RPAP2: variants seen among roughly 807,000 people sequenced by gnomAD.
RPAP2 encodes putative RNA polymerase II subunit B1 CTD phosphatase RPAP2.
Under a neutral mutation model 73.1 loss-of-function variants are expected in RPAP2, and 52 were observed. That is an observed-to-expected ratio of 0.71 (90% CI 0.57 to 0.90). The LOEUF (loss-of-function observed/expected upper bound fraction) is 0.90, where lower values mean the gene tolerates loss of function less well. Among genes scored for constraint, RPAP2 ranks in the 40% least tolerant of loss-of-function variants. RPAP2 has a pLI of 0.00. For synonymous variants in RPAP2, 225 were observed against 242.1 expected (o/e 0.93, Z 0.65); for missense variants, 598 against 701.8 (o/e 0.85, Z 1.67).
At chr1:92,329,871 A>G (rs1327580568) in intron 8 of RPAP2, among the ~76,000 whole-genome samples, 1 of 152,240 alleles carries the variant, frequency 6.6e-6, no homozygotes. Context: ...TGGTCTCATC[A>G]TAAATCACAT....
At chr1:92,364,474 ATC>A (rs1346458576) in intron 11 of RPAP2, among the ~76,000 whole-genome samples, 1 of 152,122 alleles carries the variant, frequency 6.6e-6, no homozygotes, top group African/African-American at 2.4e-5. Flanking sequence ...CAGCTCTGAC[ATC>A]TCTCCTAAAT....
intron 5 of RPAP2, among the ~76,000 whole-genome samples, chr1:92,306,684 AAAAT>A (rs1178250242): frequency 2.0e-5 from 3 of 152,138 alleles, no homozygotes; most frequent in African/African-American, 7.2e-5. Flanking sequence ...TCTCTACAAA[AAAAT>A]AAAATAGCCA....
intron 12 of RPAP2, 51 bp downstream of exon 12, chr1:92,380,924 T>C: frequency 7.0e-7 from 1 of 1,437,726 alleles, no homozygotes; most frequent in Non-Finnish European, 9.2e-7. Context: ...TTGTTGCCTA[T>C]GTGGATTCTT....
Position 92,323,823 on chromosome 1 carries a change from A to G in RPAP2, c.903A>G (p.Ser301=). 1 of 1,614,112 alleles carries G rather than the reference A, an allele frequency of 6.2e-7. No homozygotes were observed. Among genetic ancestry groups the G allele is most frequent in the Non-Finnish European group, 8.5e-7 (1 of 1,179,998 alleles). Residue 301 remains serine (S), a synonymous_variant, in exon 8 of 13, where the codon TCA becomes TCG. Coordinates refer to ENST00000610020, the MANE Select transcript of RPAP2 (RefSeq NM_024813.3). ...AGAAAGTAAATACTCAGAGTTCTTCAAATAGCACTTTGCCTGAAAGATTAA... is the reference window on the plus strand; with the variant it reads ...AGAAAGTAAATACTCAGAGTTCTTCGAATAGCACTTTGCCTGAAAGATTAA... The part of the protein sequence containing the change: ...PLQKVNTQSS[S]NSTLPERLKA...
chr1:92,327,833 T>A (rs891564416), intron 8 of RPAP2, among the ~76,000 whole-genome samples: 2 of 152,214 alleles, frequency 1.3e-5, no homozygotes, highest in Non-Finnish European at 2.9e-5. Flanking sequence ...CTTTAGCAGT[T>A]CTTGTAGTGC....
chr1:92,375,101 A>T (rs1003991595), intron 11 of RPAP2, among the ~76,000 whole-genome samples: 1 of 152,192 alleles, frequency 6.6e-6, no homozygotes, highest in East Asian at 1.9e-4. Flanking sequence ...TTGAATGTAA[A>T]TTACTTTGGA....
At position 92,391,528 on chromosome 1, in the gene RPAP2, A is replaced by C. The variant is rs1656040527; in HGVS notation, c.*4517A>C. 1 of 152,238 alleles carries C rather than the reference A, an allele frequency of 6.6e-6. No individual in the cohort carries two copies. Among genetic ancestry groups the C allele is most frequent in the Non-Finnish European group, 1.5e-5 (1 of 68,044 alleles). 9.4% of individuals were successfully genotyped at this position (152,238 alleles called of 1,614,324 possible). On this transcript the variant is annotated 3_prime_UTR_variant, in exon 13 of 13. Transcript: ENST00000610020. ...GCTAGCAGAAGGCAAGAAATAACTAAGATCAGAGCAGAACTGAAGGAGATA... is the reference window on the plus strand; with the variant it reads ...GCTAGCAGAAGGCAAGAAATAACTACGATCAGAGCAGAACTGAAGGAGATA...
chr1:92,370,695 G>T (rs542279546), intron 11 of RPAP2, among the ~76,000 whole-genome samples: 108 of 151,788 alleles, frequency 7.1e-4, no homozygotes, highest in Non-Finnish European at 1.2e-3. Context: ...GCTTACTTTG[G>T]TGAGACTTTA....
intron 10 of RPAP2, among the ~76,000 whole-genome samples, chr1:92,342,093 C>T (rs1653624840): frequency 6.6e-6 from 1 of 152,210 alleles, no homozygotes; most frequent in South Asian, 2.1e-4. Context: ...ATGGAACTTA[C>T]ATTCTAATAG....
At position 92,336,411 on chromosome 1, in the gene RPAP2, C is replaced by A; in HGVS notation, c.1603C>A (p.Leu535Ile). 2 of 1,602,762 alleles carry A rather than the reference C, an allele frequency of 1.2e-6. No individual in the cohort carries two copies. Among genetic ancestry groups the A allele is most frequent in the Non-Finnish European group, 1.7e-6 (2 of 1,170,468 alleles). ...AGATATTTACACACAACTTAAAAAT[C>A]TTGTTCGAACTTTCAGGTTAGTGTT... ...LGDIYTQLKN[L>I]VRTFRLTNRN... Residue 535 changes from leucine to isoleucine, a missense_variant, in exon 10 of 13, where the codon CTT (leucine) becomes ATT (isoleucine). This residue lies in a region of RPAP2 where 506 missense variants were observed against 612.8 expected (regional missense o/e 0.83). Transcript: ENST00000610020.
intron 11 of RPAP2, among the ~76,000 whole-genome samples, chr1:92,351,431 A>G (rs1204234070): frequency 6.6e-6 from 1 of 152,112 alleles, no homozygotes; most frequent in Non-Finnish European, 1.5e-5. Flanking sequence ...TACCCACAAT[A>G]TAAGAAACCT....
At chr1:92,310,962 T>C (rs1330156940) in intron 6 of RPAP2, among the ~76,000 whole-genome samples, 2 of 152,326 alleles carry the variant, frequency 1.3e-5, no homozygotes, top group African/African-American at 2.4e-5. Context: ...TCGACCACTA[T>C]AATAAGTGCA....
At position 92,400,472 on chromosome 1, in the gene RPAP2, A is replaced by T. The variant is rs1656287287; in HGVS notation, c.*13461A>T. 6.6e-6 allele frequency: 1 copy of T among 152,100 alleles called. No individual in the cohort carries two copies. Among genetic ancestry groups the T allele is most frequent in the Non-Finnish European group, 1.5e-5 (1 of 68,048 alleles). 9.4% of individuals were successfully genotyped at this position (152,100 alleles called of 1,614,324 possible). ...GTATCTGGGACTATAGGCACGTACC[A>T]CCATACCCAGCTAATATTTTTTTTA... On this transcript the variant is annotated 3_prime_UTR_variant, in exon 13 of 13. Transcript: ENST00000610020.
At chr1:92,331,334 A>G (rs1652952707) in intron 8 of RPAP2, among the ~76,000 whole-genome samples, 1 of 152,136 alleles carries the variant, frequency 6.6e-6, no homozygotes, top group Non-Finnish European at 1.5e-5. Context: ...TTTGCATTTC[A>G]TGTCACAATT....
intron 11 of RPAP2, among the ~76,000 whole-genome samples, chr1:92,374,108 G>A (rs1447240856): frequency 6.6e-6 from 1 of 152,120 alleles, no homozygotes; most frequent in African/African-American, 2.4e-5. Context: ...TAAATGGGAA[G>A]CCCAATTTGG....
At chr1:92,317,490 A>C (rs1191152429) in intron 6 of RPAP2, among the ~76,000 whole-genome samples, 1 of 152,152 alleles carries the variant, frequency 6.6e-6, no homozygotes, top group African/African-American at 2.4e-5. Flanking sequence ...CCTAGGCAAC[A>C]GTGAGACTCT....
intron 12 of RPAP2, among the ~76,000 whole-genome samples, chr1:92,383,908 C>T (rs1028427304): frequency 1.3e-5 from 2 of 151,948 alleles, no homozygotes; most frequent in African/African-American, 4.8e-5. Context: ...TCATAGATAG[C>T]TCTTATTATG....
intron 12 of RPAP2, among the ~76,000 whole-genome samples, chr1:92,385,344 C>G (rs1655824529): frequency 6.6e-6 from 1 of 152,158 alleles, no homozygotes; most frequent in Admixed American, 6.6e-5. Flanking sequence ...TAAGGACTTT[C>G]AACAGTAGAT....
At chr1:92,303,561 A>T (rs1651010929) in intron 3 of RPAP2, among the ~76,000 whole-genome samples, 1 of 152,170 alleles carries the variant, frequency 6.6e-6, no homozygotes, top group Admixed American at 6.5e-5. Flanking sequence ...TTTAAAGATT[A>T]TGCTTTAAAA....
Sources: allele counts gnomAD v4.1 joint callset (sites outside exome capture counted in the v4.1 genomes callset), GRCh38; gene constraint gnomAD v4.1.1; regional missense constraint gnomAD v4.1.1; transcripts MANE v1.5; gene names NCBI Gene and HGNC (gene_info 2026-07-23, HGNC 2026-07-21).